The following STPG2 variants were observed in gnomAD, a reference collection of about 807,000 sequenced individuals.
STPG2 encodes sperm tail PG-rich repeat containing 2.
A neutral mutation model predicts 54.2 loss-of-function variants in STPG2; 56 were observed. That is an observed-to-expected ratio of 1.03 (90% CI 0.83 to 1.29). The LOEUF (loss-of-function observed/expected upper bound fraction) is 1.29, where lower values mean the gene tolerates loss of function less well. STPG2 is among the 50% of genes most tolerant of loss of function. The probability of loss-of-function intolerance (pLI) is 0.00; values close to 1 mark genes in which losing one functional copy is unlikely to be tolerated. For synonymous variants in STPG2, 200 were observed against 181.8 expected, an observed-to-expected ratio of 1.10 and a Z score of -0.81; for missense variants, 596 against 544.9, an observed-to-expected ratio of 1.09 and a Z score of -0.93.
chr4:97,961,543 G>A (rs1017547394), intron 7 of STPG2, among the ~76,000 whole-genome samples: 7 of 152,132 alleles, frequency 4.6e-5, no homozygotes, highest in Admixed American at 1.3e-4. Context: ...AAAGTGGGCT[G>A]AGGACATGAA....
At chr4:98,033,161 A>T (rs1460029910) in intron 5 of STPG2, among the ~76,000 whole-genome samples, 1 of 152,142 alleles carries the variant, frequency 6.6e-6, no homozygotes, top group African/African-American at 2.4e-5. Flanking sequence ...CAATGAATCC[A>T]GGAGCTAGTT....
At chr4:98,068,239 T>C (rs1358921771) in intron 5 of STPG2, among the ~76,000 whole-genome samples, 1 of 152,144 alleles carries the variant, frequency 6.6e-6, no homozygotes, top group African/African-American at 2.4e-5. Flanking sequence ...AGTTCAAACA[T>C]CACTTCTAAA....
intron 4 of STPG2, among the ~76,000 whole-genome samples, chr4:97,551,729 C>A (rs912731421): frequency 6.6e-6 from 1 of 152,190 alleles, no homozygotes; most frequent in African/African-American, 2.4e-5. Flanking sequence ...GAGGAGCTCT[C>A]GCTCATGTAC....
intron 4 of STPG2, among the ~76,000 whole-genome samples, chr4:97,529,189 T>C (rs1731357539): frequency 6.6e-6 from 1 of 152,218 alleles, no homozygotes. Flanking sequence ...AATTTTAGCA[T>C]GAAGTCTGTT....
At chr4:97,825,240 T>C (rs770225974) in intron 9 of STPG2, among the ~76,000 whole-genome samples, 1 of 152,190 alleles carries the variant, frequency 6.6e-6, no homozygotes, top group Non-Finnish European at 1.5e-5. Flanking sequence ...CTGATTTGCA[T>C]TGCATTATCT....
chr4:98,051,942 C>G (rs1352852027), intron 5 of STPG2, among the ~76,000 whole-genome samples: 3 of 151,910 alleles, frequency 2.0e-5, no homozygotes, highest in Non-Finnish European at 4.4e-5. Flanking sequence ...ACAAAATTAG[C>G]CAGGTGTGGT....
rs746397258 is a variant in STPG2, at chr4:97,840,735, T to A, written c.1204+38A>T. 1.9e-6 allele frequency: 3 copies of A among 1,566,726 alleles called. 1 individual carries two copies. The South Asian group carries it at 3.6e-5, about 19-fold the overall frequency. ...TATTTTAATATGGAAACCTTAGAAT[T>A]TTTTTCCTCATAGCTTTATAAGGAC... On this transcript the variant is annotated intron_variant, in intron 9 of 10. Transcript: ENST00000295268.
At chr4:97,621,479 G>T (rs72890852) in intron 10 of STPG2, among the ~76,000 whole-genome samples, 20,119 of 151,978 alleles carry the variant, frequency 0.13, 4,102 homozygotes, top group African/African-American at 0.44. Context: ...ATACAAGAAC[G>T]CTGAGACATT....
intron 8 of STPG2, among the ~76,000 whole-genome samples, chr4:97,938,729 C>T (rs550660443): frequency 2.9e-4 from 44 of 152,258 alleles, no homozygotes; most frequent in Admixed American, 1.1e-3. Flanking sequence ...CCATGTGGCT[C>T]TCAGGTGGGC....
At chr4:97,962,812 G>C (rs932091087) in intron 7 of STPG2, among the ~76,000 whole-genome samples, 9 of 152,158 alleles carry the variant, frequency 5.9e-5, no homozygotes, top group African/African-American at 1.7e-4. Flanking sequence ...TGAGTCCAGA[G>C]ATCATGCTAA....
At chr4:97,766,171 G>A (rs1726043995) in intron 9 of STPG2, among the ~76,000 whole-genome samples, 1 of 152,034 alleles carries the variant, frequency 6.6e-6, no homozygotes, top group South Asian at 2.1e-4. Context: ...TTATAACAAA[G>A]TACCAAAGAC....
At chr4:97,625,068 C>T (rs541444525) in intron 10 of STPG2, among the ~76,000 whole-genome samples, 10 of 152,114 alleles carry the variant, frequency 6.6e-5, no homozygotes, top group Non-Finnish European at 8.8e-5. Flanking sequence ...CTGGAAAGAA[C>T]GTGGATCTTG....
intron 8 of STPG2, among the ~76,000 whole-genome samples, chr4:97,862,171 G>A (rs1729574497): frequency 6.6e-6 from 1 of 151,636 alleles, no homozygotes; most frequent in African/African-American, 2.4e-5. Context: ...CTGTATTCAG[G>A]AAACCCATCT....
chr4:97,951,063 G>A (rs941847116), intron 7 of STPG2, among the ~76,000 whole-genome samples: 1 of 152,116 alleles, frequency 6.6e-6, no homozygotes, highest in Non-Finnish European at 1.5e-5. Flanking sequence ...TGGTTTATCT[G>A]GTCTTGTGGC....
At position 97,826,550 on chromosome 4, in the gene STPG2, G is replaced by A. The variant is rs563116448; in HGVS notation, c.1204+14223C>T. Among the ~76,000 whole-genome samples, 25 of 152,190 alleles carry A rather than the reference G, an allele frequency of 1.6e-4. No individual in the cohort carries two copies. The South Asian group carries it at 5.2e-3, about 32-fold the overall frequency. ...AAAAAAATTGTAAAAGGTTATAAAAGGTTTATAAGAACCTTACCTTATGGT... is the reference window on the plus strand; with the variant it reads ...AAAAAAATTGTAAAAGGTTATAAAAAGTTTATAAGAACCTTACCTTATGGT... On this transcript the variant is annotated intron_variant, in intron 9 of 10. Coordinates refer to ENST00000295268, the MANE Select transcript of STPG2 (RefSeq NM_174952.3).
intron 4 of STPG2, among the ~76,000 whole-genome samples, chr4:97,531,395 T>C (rs979607699): frequency 3.9e-5 from 6 of 152,194 alleles, no homozygotes; most frequent in Non-Finnish European, 8.8e-5. Flanking sequence ...ACTGAAGAGA[T>C]ATATCTGCTT....
intron 8 of STPG2, among the ~76,000 whole-genome samples, chr4:97,907,891 G>A (rs1268072759): frequency 7.9e-5 from 12 of 152,210 alleles, no homozygotes; most frequent in African/African-American, 2.4e-4. Context: ...AGACTTAAAC[G>A]TTAGACCTAA....
chr4:98,076,990 C>A (rs781682117), intron 5 of STPG2, among the ~76,000 whole-genome samples: 6 of 152,016 alleles, frequency 3.9e-5, no homozygotes, highest in Non-Finnish European at 5.9e-5. Flanking sequence ...ACCCTACAAT[C>A]ATGGTTCTCA....
At chr4:97,762,453 T>A (rs1725917015) in intron 9 of STPG2, among the ~76,000 whole-genome samples, 1 of 152,126 alleles carries the variant, frequency 6.6e-6, no homozygotes, top group Non-Finnish European at 1.5e-5. Context: ...GTTAAAAGAA[T>A]GAGAGTTTTT....
Sources: gnomAD v4.1 joint callset for allele counts (sites outside exome capture counted in the v4.1 genomes callset) on GRCh38, gnomAD v4.1.1 for gene constraint, MANE v1.5 for transcripts, NCBI Gene and HGNC (gene_info 2026-07-23, HGNC 2026-07-21) for gene names.